Variants in CNTFR observed in about 807,000 individuals in gnomAD.
CNTFR encodes the protein ciliary neurotrophic factor receptor, also known as ciliary neurotrophic factor receptor subunit alpha.
In CNTFR, 12 loss-of-function variants were observed where a neutral mutation model predicts 40.4. The observed-to-expected ratio is 0.30, with a 90% CI of 0.19 to 0.48. The LOEUF is 0.48. CNTFR is among the 20% of genes least tolerant of loss of function. The pLI is 0.99. For synonymous variants in CNTFR, 202 were observed against 209.6 expected, an observed-to-expected ratio of 0.96 and a Z score of 0.31; for missense variants, 414 against 506.8, an observed-to-expected ratio of 0.82 and a Z score of 1.76.
intron 4 of CNTFR, 89 bp from the exon 5 acceptor site, chr9:34,558,073 T>C: frequency 2.1e-6 from 2 of 937,060 alleles, no homozygotes; most frequent in South Asian, 2.8e-5. Flanking sequence ...GAGCCCCAGC[T>C]CTCCCCCCTC....
chr9:34,578,715 A>T (rs1024198748), intron 2 of CNTFR, among the ~76,000 whole-genome samples: 8 of 152,204 alleles, frequency 5.3e-5, no homozygotes, highest in Admixed American at 2.0e-4. Context: ...CCCTGTGAGG[A>T]TAAAGCAGGA....
At chr9:34,582,234 C>T (rs1377029605) in intron 1 of CNTFR, 1 of 148,442 alleles carries the variant, frequency 6.7e-6, no homozygotes, top group Non-Finnish European at 1.5e-5. Flanking sequence ...AAGATTGAGC[C>T]ACTGCACTCT....
chr9:34,557,777 G>C lies in CNTFR; in HGVS notation c.438-85C>G, dbSNP rs976514718. 1.7e-5 allele frequency: 27 copies of C among 1,582,486 alleles called. No homozygotes were observed. Among genetic ancestry groups the C allele is most frequent in the Non-Finnish European group, 2.3e-5 (27 of 1,155,492 alleles). On this transcript the variant is annotated intron_variant, in intron 5 of 9. Transcript: ENST00000378980. This position sits in a 1 kb window ranked among gnomAD's most constrained non-coding sequence, Gnocchi z 4.2. ...TTGAGGAAAGGTCAAGCCCAAGGCA[G>C]GGCTGGGGTATGGACAGAGGGCATG...
chr9:34,571,619 C>T (rs936290471), intron 2 of CNTFR, among the ~76,000 whole-genome samples: 28 of 151,984 alleles, frequency 1.8e-4, no homozygotes, highest in African/African-American at 6.3e-4. Context: ...GGGGTGGCTT[C>T]TTCATCAAAG....
In CNTFR at chr9:34,557,677, A is replaced by G. The variant is rs1193014147; in HGVS notation, c.453T>C (p.Ile151=). The change falls in exon 6 of 10, where the codon ATT becomes ATC. Residue 151 remains isoleucine (I), a synonymous_variant. Transcript: ENST00000378980. The surrounding 1 kb of genome is among the most constrained non-coding windows in gnomAD (Gnocchi z 4.2). ...GGGCTGGGTCCTTCTCACAGACCAT[A>G]ATTTTGGAGCCATGCCTGGGGAGAG... ...FNVTVLHGSK[I]MVCEKDPALK... 4.3e-6 allele frequency: 7 copies of G among 1,613,956 alleles called. No individual in the cohort carries two copies. Among genetic ancestry groups the G allele is most frequent in the African/African-American group, 2.7e-5 (2 of 74,870 alleles).
Position 34,560,715 on chromosome 9 carries a change from C to T in CNTFR, c.320-2731G>A, listed in dbSNP as rs73486514. Among the ~76,000 whole-genome samples the T allele has an allele frequency of 5.1e-3, 772 of 152,380 alleles. 7 individuals are homozygous for T. Among genetic ancestry groups the T allele is most frequent in the African/African-American group, 0.018 (734 of 41,586 alleles). On this transcript the variant is annotated intron_variant, in intron 4 of 9. Transcript: ENST00000378980. ...CACAGTATCAGGCTCTGGGCATACA[C>T]GGCATCTGGGTTGCCCCTTGTGGGG...
At chr9:34,588,792 T>C (rs138866237) in intron 1 of CNTFR, among the ~76,000 whole-genome samples, 19 of 152,170 alleles carry the variant, frequency 1.2e-4, no homozygotes, top group African/African-American at 4.6e-4. Context: ...GTCCGTCTGG[T>C]GACCTCCCCA....
chr9:34,558,642 CTATG>C (rs905846923), intron 4 of CNTFR, among the ~76,000 whole-genome samples: 4 of 152,158 alleles, frequency 2.6e-5, no homozygotes, highest in African/African-American at 9.7e-5. Flanking sequence ...ATCTGCATGT[CTATG>C]TATGATTGTG....
At chr9:34,567,558 C>G (rs775779630) in intron 3 of CNTFR, among the ~76,000 whole-genome samples, 1 of 152,110 alleles carries the variant, frequency 6.6e-6, no homozygotes, top group South Asian at 2.1e-4. Flanking sequence ...CACATGTACA[C>G]GTACAAGAAG....
chr9:34,576,428 C>T (rs1353535791), intron 2 of CNTFR, among the ~76,000 whole-genome samples: 6 of 152,220 alleles, frequency 3.9e-5, no homozygotes, highest in Non-Finnish European at 7.3e-5. Flanking sequence ...CCTCTCACGC[C>T]CCGACACCGG....
At chr9:34,564,917 T>C in intron 3 of CNTFR, 85 bp from the exon 4 acceptor site, 1 of 1,165,324 alleles carries the variant, frequency 8.6e-7, no homozygotes, top group Non-Finnish European at 1.2e-6. Context: ...GACAAGAGCC[T>C]GTGAGGATGG....
chr9:34,579,604 G>C, intron 2 of CNTFR, among the ~76,000 whole-genome samples: 1 of 151,956 alleles, frequency 6.6e-6, no homozygotes, highest in South Asian at 2.1e-4. Context: ...TGGAGAGAGA[G>C]AGGGTGATGG....
intron 2 of CNTFR, among the ~76,000 whole-genome samples, chr9:34,575,807 G>A (rs1826931270): frequency 6.6e-6 from 1 of 152,070 alleles, no homozygotes; most frequent in African/African-American, 2.4e-5. Context: ...GGGAAAAGAA[G>A]CTTCAAATGT....
At chr9:34,563,201 G>A (rs1340271853) in intron 4 of CNTFR, among the ~76,000 whole-genome samples, 1 of 152,172 alleles carries the variant, frequency 6.6e-6, no homozygotes, top group East Asian at 1.9e-4. Context: ...GGGAGCCGCC[G>A]ATCCCTTGCC....
intron 1 of CNTFR, chr9:34,582,487 T>C (rs866975042): frequency 1.3e-5 from 2 of 152,058 alleles, no homozygotes; most frequent in Non-Finnish European, 2.9e-5. Context: ...TCACCTTCTA[T>C]AAGACCCCAG....
At chr9:34,589,911 A>G (rs1043189153), upstream of CNTFR, among the ~76,000 whole-genome samples, 3 of 131,756 alleles carry the variant, frequency 2.3e-5, no homozygotes, top group African/African-American at 8.6e-5. This position sits in a 1 kb window ranked among gnomAD's most constrained non-coding sequence, Gnocchi z 4.4. Flanking sequence ...CCTCCCCGCC[A>G]CGGGCCCCGC....
intron 4 of CNTFR, among the ~76,000 whole-genome samples, chr9:34,558,463 A>G (rs553295492): frequency 6.6e-6 from 1 of 152,322 alleles, no homozygotes; most frequent in South Asian, 2.1e-4. Context: ...AGACAGAGAC[A>G]CGAGGACAGG....
At chr9:34,556,465 A>G in intron 6 of CNTFR, 47 bp from the exon 7 acceptor site, 1 of 1,530,548 alleles carries the variant, frequency 6.5e-7, no homozygotes, top group Non-Finnish European at 8.8e-7. Context: ...ACTGGCAACA[A>G]CCCACTTTGT....
chr9:34,557,589 T>C lies in CNTFR; in HGVS notation c.541A>G (p.Ile181Val), dbSNP rs1825900196. Reference protein sequence around the residue: ...LFSTIKYKVSISVSNALGHNA... With the variant: ...LFSTIKYKVSVSVSNALGHNA... Reference sequence around the variant, plus strand: ...TGGCCCAGGGCATTGCTGACACTTATGGAGACCTTGTACTTGATGGTGGAG... The same window carrying C: ...TGGCCCAGGGCATTGCTGACACTTACGGAGACCTTGTACTTGATGGTGGAG... The change falls in exon 6 of 10, where the codon ATA (isoleucine) becomes GTA (valine). Residue 181 changes from isoleucine to valine, a missense_variant. Physicochemically the swap from Ile to Val is conservative, Grantham distance 29. This residue lies in a region of CNTFR where 250 missense variants were observed against 269.5 expected (regional missense o/e 0.93). Transcript: ENST00000378980. This position sits in a 1 kb window ranked among gnomAD's most constrained non-coding sequence, Gnocchi z 4.2. 1.2e-6 allele frequency: 2 copies of C among 1,614,186 alleles called. No homozygotes were observed. The highest frequency in any genetic ancestry group is 8.5e-7 in the Non-Finnish European group (1 of 1,180,022).
Sources: gnomAD v4.1 joint callset for allele counts (sites outside exome capture counted in the v4.1 genomes callset) on GRCh38, gnomAD v4.1.1 for gene constraint, gnomAD v4.1.1 regional missense constraint, Gnocchi (gnomAD v3.1) non-coding constraint, MANE v1.5 for transcripts, NCBI Gene and HGNC (gene_info 2026-07-23, HGNC 2026-07-21) for gene names.